The following ZDHHC3 variants were observed in gnomAD, a reference collection of about 807,000 sequenced individuals.
The protein encoded by ZDHHC3 is zDHHC palmitoyltransferase 3.
A neutral mutation model predicts 30.6 loss-of-function variants in ZDHHC3; 9 were observed. That is an observed-to-expected ratio of 0.29 (90% confidence interval 0.18 to 0.51). The LOEUF is 0.51. ZDHHC3 is among the 20% of genes least tolerant of loss of function. The probability of loss-of-function intolerance (pLI) is 0.97; values close to 1 mark genes in which losing one functional copy is unlikely to be tolerated. For missense variants in ZDHHC3, 246 were observed against 384.2 expected (o/e 0.64, Z 3.01); for synonymous variants, 136 against 140.2 (o/e 0.97, Z 0.21).
At position 44,924,281 on chromosome 3, in the gene ZDHHC3, C is replaced by T. The variant is rs1700817190; in HGVS notation, c.*2408G>A. 1 of 985,342 alleles carries T rather than the reference C, an allele frequency of 1.0e-6. No individual in the cohort carries two copies. Among genetic ancestry groups the T allele is most frequent in the East Asian group, 1.1e-4 (1 of 8,834 alleles). The allele number at this position is 985,342 out of a possible 1,614,324, so 61.0% of individuals were successfully genotyped here. Reference sequence around the variant, plus strand: ...CCTGTGTGGAAGCCAGGCTGGGAACCAATCACTACCCTGCAAATGATGGCT... The same window carrying T: ...CCTGTGTGGAAGCCAGGCTGGGAACTAATCACTACCCTGCAAATGATGGCT... On this transcript the variant is annotated 3_prime_UTR_variant, in exon 7 of 7. Coordinates refer to ENST00000424952, the MANE Select transcript of ZDHHC3 (RefSeq NM_001135179.2).
chr3:44,976,006 G>A lies in ZDHHC3; in HGVS notation c.-98C>T. 1 of 371,866 alleles carries A rather than the reference G, an allele frequency of 2.7e-6. No individual in the cohort carries two copies. The highest frequency in any genetic ancestry group is 4.8e-6 in the Non-Finnish European group (1 of 209,340). The allele number at this position is 371,866 out of a possible 1,614,324, so 23.0% of individuals were successfully genotyped here. A position where few individuals can be genotyped will look rare whatever the true frequency, so the allele number is the denominator to read the frequency against. The stretch of plus-strand genomic sequence containing the variant: ...GCCGCCGCCGCCGCTGCCTTCCCCT[G>A]CAGTCCCCAACCCGGGACCCGGCCT... On this transcript the variant is annotated 5_prime_UTR_variant, in exon 1 of 7. The change creates a premature stop within an existing upstream ORF in the 5' untranslated region. Transcript: ENST00000424952.
At chr3:44,946,789 G>C (rs944510048) in intron 2 of ZDHHC3, among the ~76,000 whole-genome samples, 1 of 152,206 alleles carries the variant, frequency 6.6e-6, no homozygotes, top group Non-Finnish European at 1.5e-5. Context: ...GTGCTGAACT[G>C]TGCGTATGCA....
Position 44,926,787 on chromosome 3 carries a change from T to G in ZDHHC3, c.802A>C (p.Met268Leu). 1 of 1,613,838 alleles carries G rather than the reference T, an allele frequency of 6.2e-7. No homozygotes were observed. ...RWAKKTKWMN[M>L]KAVFGHPFSL... ...AAGGGGTGGCCAAAAACGGCTTTCA[T>G]GTTCATCCATTTTGTTTTTTTAGCC... Residue 268 changes from methionine to leucine, a missense_variant, in exon 7 of 7, where the codon ATG becomes CTG. Met to Leu is a conservative substitution (Grantham distance 15, BLOSUM62 2). Transcript: ENST00000424952.
intron 2 of ZDHHC3, chr3:44,958,568 C>T (rs1260147675): frequency 3.9e-6 from 6 of 1,535,166 alleles, no homozygotes; most frequent in Non-Finnish European, 5.2e-6. Flanking sequence ...AACACTACTG[C>T]TTTACCCACA....
At chr3:44,968,774 A>G (rs1197067037) in intron 1 of ZDHHC3, among the ~76,000 whole-genome samples, 1 of 152,188 alleles carries the variant, frequency 6.6e-6, no homozygotes, top group Non-Finnish European at 1.5e-5. Context: ...TCATTAATGG[A>G]GCATGACACT....
rs1700882680 is a variant in ZDHHC3, at chr3:44,925,201, T to A, written c.*1488A>T. The A allele has an allele frequency of 1.7e-5, 17 of 985,776 alleles. No homozygotes were observed. The highest frequency in any genetic ancestry group is 2.0e-5 in the Non-Finnish European group (17 of 829,952). The allele number at this position is 985,776 out of a possible 1,614,324, so 61.1% of individuals were successfully genotyped here. A position where few individuals can be genotyped will look rare whatever the true frequency, so the allele number is the denominator to read the frequency against. The stretch of plus-strand genomic sequence containing the variant: ...TGGAAAAATTTTATTGCATTTTGTT[T>A]CCATGTGGAAGCACTGACAGAATTG... On this transcript the variant is annotated 3_prime_UTR_variant, in exon 7 of 7. Transcript: ENST00000424952.
At chr3:44,944,808 T>G (rs564546760) in intron 3 of ZDHHC3, among the ~76,000 whole-genome samples, 10 of 152,304 alleles carry the variant, frequency 6.6e-5, no homozygotes, top group African/African-American at 2.4e-4. Flanking sequence ...TTTCTAAAGC[T>G]TTTTCTCATG....
Position 44,924,286 on chromosome 3 carries a change from A to C in ZDHHC3, c.*2403T>G. 1 of 985,460 alleles carries C rather than the reference A, an allele frequency of 1.0e-6. No individual in the cohort carries two copies. Among genetic ancestry groups the C allele is most frequent in the South Asian group, 4.7e-5 (1 of 21,292 alleles). The allele number at this position is 985,460 out of a possible 1,614,324, so 61.0% of individuals were successfully genotyped here. A position where few individuals can be genotyped will look rare whatever the true frequency, so the allele number is the denominator to read the frequency against. On this transcript the variant is annotated 3_prime_UTR_variant, in exon 7 of 7. Coordinates refer to ENST00000424952, the MANE Select transcript of ZDHHC3 (RefSeq NM_001135179.2). ...GTGGAAGCCAGGCTGGGAACCAATC[A>C]CTACCCTGCAAATGATGGCTACATT...
chr3:44,951,333 G>A (rs1389389447), intron 2 of ZDHHC3, among the ~76,000 whole-genome samples: 1 of 152,190 alleles, frequency 6.6e-6, no homozygotes, highest in Non-Finnish European at 1.5e-5. Flanking sequence ...AGTTTTCAGT[G>A]CAGAAGGAAC....
rs551425109 is a variant in ZDHHC3 at position 44,939,916 on chromosome 3, C to T, written c.431+5252G>A. On this transcript the variant is annotated intron_variant, in intron 3 of 6. Coordinates refer to ENST00000424952, the MANE Select transcript of ZDHHC3 (RefSeq NM_001135179.2). ...TTTCAAAGATATGAAATGCCAAACC[C>T]ACACTACCCTTCTCCTTGGGCCAGG... Among the ~76,000 whole-genome samples the T allele has an allele frequency of 3.9e-4, 60 of 152,310 alleles. 2 individuals carry two copies. In the South Asian group the frequency reaches 0.012, roughly 31 times the overall value.
rs149853600 is a variant in ZDHHC3, at chr3:44,954,264, T to C, written c.306+4867A>G. ...TCTTTTCCTTAACAATGTGGTTAAATTGACTATAAATCCAGTCATGCACAT... is the reference window on the plus strand; with the variant it reads ...TCTTTTCCTTAACAATGTGGTTAAACTGACTATAAATCCAGTCATGCACAT... On this transcript the variant is annotated intron_variant, in intron 2 of 6. Coordinates refer to ENST00000424952, the MANE Select transcript of ZDHHC3 (RefSeq NM_001135179.2). Among the ~76,000 whole-genome samples, 333 of 152,334 alleles carry C rather than the reference T, an allele frequency of 2.2e-3. 3 individuals carry two copies. The highest frequency in any genetic ancestry group is 2.8e-3 in the Non-Finnish European group (192 of 68,034).
intron 2 of ZDHHC3, among the ~76,000 whole-genome samples, chr3:44,954,504 A>T (rs561803392): frequency 1.3e-5 from 2 of 152,310 alleles, no homozygotes; most frequent in East Asian, 3.9e-4. Context: ...AGGTTTGTGT[A>T]AGTACAGTCT....
In ZDHHC3 at chr3:44,925,880, A is replaced by G. The variant is rs1700942053; in HGVS notation, c.*809T>C. The G allele has an allele frequency of 4.1e-6, 4 of 985,802 alleles. No homozygotes were observed. In the South Asian group the frequency reaches 1.9e-4, roughly 46 times the overall value. 61.1% of individuals were successfully genotyped at this position (985,802 alleles called of 1,614,324 possible). ...GAGATGGGGTGGTGAGAGAGGAAGCAGATGAAACAAAGGAAAACGTAGCTT... is the reference window on the plus strand; with the variant it reads ...GAGATGGGGTGGTGAGAGAGGAAGCGGATGAAACAAAGGAAAACGTAGCTT... On this transcript the variant is annotated 3_prime_UTR_variant, in exon 7 of 7. Transcript: ENST00000424952.
intron 6 of ZDHHC3, among the ~76,000 whole-genome samples, chr3:44,928,849 C>A (rs1701231193): frequency 6.6e-6 from 1 of 152,154 alleles, no homozygotes; most frequent in Non-Finnish European, 1.5e-5. Flanking sequence ...TCAAGGCAGA[C>A]CTGTCTCCTG....
rs1021924578 is a variant in ZDHHC3, at chr3:44,923,480, G to A, written c.*3209C>T. On this transcript the variant is annotated 3_prime_UTR_variant, in exon 7 of 7. Coordinates refer to ENST00000424952, the MANE Select transcript of ZDHHC3 (RefSeq NM_001135179.2). The stretch of plus-strand genomic sequence containing the variant: ...AACTATTTAAGTGGCCTAGCCAGAT[G>A]AGCAAAAGCTAATACTTGGGGCTTT... 1 of 985,290 alleles carries A rather than the reference G, an allele frequency of 1.0e-6. No homozygotes were observed. The highest frequency in any genetic ancestry group is 1.2e-6 in the Non-Finnish European group (1 of 829,942). The allele number at this position is 985,290 out of a possible 1,614,324, so 61.0% of individuals were successfully genotyped here.
rs75154391 is a variant in ZDHHC3 at position 44,923,445 on chromosome 3, G to A, written c.*3244C>T. 10,511 of 985,308 alleles carry A rather than the reference G, an allele frequency of 0.011. 104 individuals are homozygous for A. The highest frequency in any genetic ancestry group is 0.043 in the African/African-American group (2,466 of 57,318). The allele number at this position is 985,308 out of a possible 1,614,324, so 61.0% of individuals were successfully genotyped here. On this transcript the variant is annotated 3_prime_UTR_variant, in exon 7 of 7. Coordinates refer to ENST00000424952, the MANE Select transcript of ZDHHC3 (RefSeq NM_001135179.2). ...CTAAACGGTTTCTGCATTAGGGGAC[G>A]GTGGATTCTAACTATTTAAGTGGCC...
chr3:44,967,866 G>A (rs963251164), intron 1 of ZDHHC3, among the ~76,000 whole-genome samples: 1 of 152,212 alleles, frequency 6.6e-6, no homozygotes, highest in Admixed American at 6.5e-5. Context: ...GGCAAAACAT[G>A]CAGTACTGGC....
At position 44,919,173 on chromosome 3, in the gene ZDHHC3, C is replaced by T. The variant is rs1363562905; in HGVS notation, c.*7516G>A. The T allele has an allele frequency of 1.1e-6, 1 of 893,228 alleles. No homozygotes were observed. Among genetic ancestry groups the T allele is most frequent in the Non-Finnish European group, 1.3e-6 (1 of 747,062 alleles). 55.3% of individuals were successfully genotyped at this position (893,228 alleles called of 1,614,324 possible). A position where few individuals can be genotyped will look rare whatever the true frequency, so the allele number is the denominator to read the frequency against. On this transcript the variant is annotated 3_prime_UTR_variant, in exon 7 of 7. Transcript: ENST00000424952. ...TACTTATCAATTACAAAGGGAAAAA[C>T]AGTACCTTAATAGCAGGGAAGAAAC...
At chr3:44,929,281 A>C in intron 6 of ZDHHC3, 25 bp downstream of exon 6, 3 of 1,612,176 alleles carry the variant, frequency 1.9e-6, no homozygotes, top group Non-Finnish European at 2.5e-6. Flanking sequence ...AGGTGTGGAA[A>C]TGGTGGGCAG....
Sources: allele counts gnomAD v4.1 joint callset (sites outside exome capture counted in the v4.1 genomes callset), GRCh38; gene constraint gnomAD v4.1.1; transcripts MANE v1.5; gene names NCBI Gene and HGNC (gene_info 2026-07-23, HGNC 2026-07-21).